Variants in RIPK1 observed in about 807,000 individuals in gnomAD.
The protein encoded by RIPK1 is receptor-interacting serine/threonine-protein kinase 1.
A neutral mutation model predicts 62.4 loss-of-function variants in RIPK1; 27 were observed. The ratio of observed to expected loss-of-function variants is 0.43; its 90% CI spans 0.32 to 0.60. The LOEUF (loss-of-function observed/expected upper bound fraction) is 0.60. Among genes scored for constraint, RIPK1 ranks in the 20% least tolerant of loss-of-function variants. RIPK1 has a pLI of 0.07. For synonymous variants in RIPK1, 287 were observed against 303.2 expected, an observed-to-expected ratio of 0.95 and a Z score of 0.55; for missense variants, 735 against 831.0, an observed-to-expected ratio of 0.88 and a Z score of 1.42.
chr6:3,081,860 TAAAAAAAAAAAAAAAAAAAAAAAAAAA>T (rs58330257), intron 4 of RIPK1, among the ~76,000 whole-genome samples: 52 of 22,870 alleles, frequency 2.3e-3, no homozygotes, highest in Non-Finnish European at 4.6e-3. Flanking sequence ...AACTCTGCCT[TAAAAAAAAAAAAAAAAAAAAAAAAAAA>T]AAAAAAAAAA....
intron 6 of RIPK1, among the ~76,000 whole-genome samples, chr6:3,087,112 C>T (rs17513360): frequency 0.019 from 2,940 of 152,122 alleles, 94 homozygotes; most frequent in African/African-American, 0.066. Flanking sequence ...AAATTTTTTT[C>T]CTTATAGGGA....
rs1333988203 is a variant in RIPK1, at chr6:3,076,792, T to C, written c.-32T>C. On this transcript the variant is annotated 5_prime_UTR_variant, in exon 2 of 11. Transcript: ENST00000259808. ...ACAGCTCTGCCGGGGGGGGAAAAAG[T>C]GGTACCATTTTGGGCGTTCTTGAGC... 6.2e-7 allele frequency: 1 copy of C among 1,606,498 alleles called. No homozygotes were observed. The highest frequency in any genetic ancestry group is 8.5e-7 in the Non-Finnish European group (1 of 1,177,116).
At chr6:3,075,944 A>G (rs1160265387) in intron 1 of RIPK1, among the ~76,000 whole-genome samples, 2 of 151,476 alleles carry the variant, frequency 1.3e-5, no homozygotes, top group Non-Finnish European at 2.9e-5. Flanking sequence ...AGGGTTGCAC[A>G]TTGAGCAGTG....
intron 7 of RIPK1, among the ~76,000 whole-genome samples, chr6:3,101,033 T>G (rs1760564746): frequency 2.0e-5 from 3 of 152,236 alleles, no homozygotes; most frequent in Admixed American, 2.0e-4. Context: ...GTGCCTGTAA[T>G]CTCAGCACTT....
intron 7 of RIPK1, among the ~76,000 whole-genome samples, chr6:3,090,294 G>GC (rs547407349): frequency 3.3e-5 from 5 of 151,888 alleles, no homozygotes; most frequent in African/African-American, 1.2e-4. Context: ...AGACCACCCC[G>GC]CCCCCCTGCC....
intron 6 of RIPK1, among the ~76,000 whole-genome samples, chr6:3,087,365 C>T (rs9503391): frequency 0.085 from 12,982 of 151,936 alleles, 1,855 homozygotes; most frequent in African/African-American, 0.3. Context: ...AACATAAAAA[C>T]TATATCTTTG....
chr6:3,107,045 G>A (rs1039314292), intron 9 of RIPK1, among the ~76,000 whole-genome samples: 21 of 152,052 alleles, frequency 1.4e-4, no homozygotes, highest in African/African-American at 4.8e-4. Flanking sequence ...GAGGCCAGGA[G>A]TTCGAGACCA....
chr6:3,077,936 G>A lies in RIPK1; in HGVS notation c.321+1G>A. 6.2e-7 allele frequency: 1 copy of A among 1,613,734 alleles called. No individual in the cohort carries two copies. The highest frequency in any genetic ancestry group is 8.5e-7 in the Non-Finnish European group (1 of 1,179,948). ...CCTGATGCACGTGCTGAAAGCCGAG[G>A]TAGAGAGGGCCCCTCCGCACGGGGA... is the stretch of plus-strand genomic sequence containing the variant. On this transcript the variant is annotated splice_donor_variant, in intron 3 of 10. Coordinates refer to ENST00000259808, the MANE Select transcript of RIPK1 (RefSeq NM_001354930.2). LOFTEE classifies it high-confidence loss of function.
Position 3,077,777 on chromosome 6 carries a change from A to G in RIPK1, c.165-2A>G. ...TCAGCATAGCACCTTTCCTGCCCAC[A>G]GGCACAACGAGGCCCTCTTGGAGGA... On this transcript the variant is annotated splice_acceptor_variant, in intron 2 of 10. Transcript: ENST00000259808. LOFTEE classifies it high-confidence loss of function. 1 of 1,614,008 alleles carries G rather than the reference A, an allele frequency of 6.2e-7. No individual in the cohort carries two copies. The highest frequency in any genetic ancestry group is 8.5e-7 in the Non-Finnish European group (1 of 1,179,964).
At chr6:3,082,325 G>C (rs1759434683) in intron 4 of RIPK1, among the ~76,000 whole-genome samples, 1 of 152,218 alleles carries the variant, frequency 6.6e-6, no homozygotes, top group African/African-American at 2.4e-5. Context: ...TCGTGGGTTA[G>C]AATCTGTGAA....
rs1464446332 is a variant in RIPK1, at chr6:3,104,328, A to G, written c.1006+13A>G. ...CGGTCAAATTCAGGTAAATTACACT[A>G]TGGTCAAAATCTATTCATTTATTTG... is the stretch of plus-strand genomic sequence containing the variant. On this transcript the variant is annotated intron_variant, in intron 8 of 10. Transcript: ENST00000259808. 5 of 1,379,608 alleles carry G rather than the reference A, an allele frequency of 3.6e-6. No homozygotes were observed. The highest frequency in any genetic ancestry group is 1.7e-5 in the Admixed American group (1 of 59,006). The allele number at this position is 1,379,608 out of a possible 1,614,324, so 85.5% of individuals were successfully genotyped here. A position where few individuals can be genotyped will look rare whatever the true frequency, so the allele number is the denominator to read the frequency against.
At chr6:3,094,501 A>G in intron 7 of RIPK1, among the ~76,000 whole-genome samples, 1 of 151,870 alleles carries the variant, frequency 6.6e-6, no homozygotes, top group East Asian at 1.9e-4. Context: ...ACTGAAGGCT[A>G]ACAAAACACT....
chr6:3,077,649 T>C, intron 2 of RIPK1, 130 bp from the exon 3 acceptor site: 2 of 961,892 alleles, frequency 2.1e-6, no homozygotes, highest in Middle Eastern at 6.6e-4. Flanking sequence ...GCTTCTGGCC[T>C]GTGCCTGGAA....
chr6:3,085,417 A>G lies in RIPK1; in HGVS notation c.838+9A>G. On this transcript the variant is annotated intron_variant, in intron 6 of 10. Transcript: ENST00000259808. ...TCGGCCGACATTTCCTGGTAAGAGC[A>G]TCTTTTCTGACTGTGTAGGATGCAT... 6.2e-7 allele frequency: 1 copy of G among 1,614,068 alleles called. No individual in the cohort carries two copies. The highest frequency in any genetic ancestry group is 2.2e-5 in the East Asian group (1 of 44,882).
upstream of RIPK1, among the ~76,000 whole-genome samples, chr6:3,065,264 CAAAAAAAAAAAAAAA>C (rs57722248): frequency 9.8e-5 from 4 of 40,636 alleles, no homozygotes; most frequent in East Asian, 1.6e-3. Flanking sequence ...GACTCCGTCT[CAAAAAAAAAAAAAAA>C]AAAAAAAAAA....
chr6:3,072,601 T>A lies in RIPK1; in HGVS notation c.-61+3940T>A, dbSNP rs1228318725. Among the ~76,000 whole-genome samples, 1 of 152,234 alleles carries A rather than the reference T, an allele frequency of 6.6e-6. No individual in the cohort carries two copies. The highest frequency in any genetic ancestry group is 1.9e-4 in the East Asian group (1 of 5,198). The stretch of plus-strand genomic sequence containing the variant: ...TGATGGGCCGGCATACGTTGGGTTC[T>A]GCTAGGCTCTGGAGATGGTGCACAA... On this transcript the variant is annotated intron_variant, in intron 1 of 10. Transcript: ENST00000259808. This position sits in a 1 kb window ranked among gnomAD's most constrained non-coding sequence, Gnocchi z 5.6.
intron 7 of RIPK1, among the ~76,000 whole-genome samples, chr6:3,098,405 A>G (rs536454284): frequency 6.6e-6 from 1 of 152,346 alleles, no homozygotes; most frequent in African/African-American, 2.4e-5. Flanking sequence ...AGAAATGCAA[A>G]TTAAAACCAC....
chr6:3,087,157 T>C (rs894233806), intron 6 of RIPK1, among the ~76,000 whole-genome samples: 13 of 152,228 alleles, frequency 8.5e-5, no homozygotes, highest in African/African-American at 3.1e-4. Flanking sequence ...TTCAAGACTT[T>C]GTCTTTATTT....
At chr6:3,073,083 C>T (rs968880809) in intron 1 of RIPK1, among the ~76,000 whole-genome samples, 6 of 151,976 alleles carry the variant, frequency 3.9e-5, no homozygotes, top group African/African-American at 1.5e-4. Context: ...AGGCAACAAA[C>T]GTGTTTTCAC....
Sources: allele counts gnomAD v4.1 joint callset (sites outside exome capture counted in the v4.1 genomes callset), GRCh38; gene constraint gnomAD v4.1.1; non-coding constraint Gnocchi (gnomAD v3.1); transcripts MANE v1.5; gene names NCBI Gene and HGNC (gene_info 2026-07-23, HGNC 2026-07-21).